The following CCBE1 variants were observed in gnomAD, a reference collection of about 807,000 sequenced individuals.
CCBE1 encodes the protein collagen and calcium binding EGF domains 1.
CCBE1 carries 37 observed loss-of-function variants against 50.0 expected under a neutral mutation model. The ratio of observed to expected loss-of-function variants is 0.74; its 90% CI spans 0.57 to 0.97. The LOEUF is 0.97. Ranked by LOEUF, CCBE1 falls within the 50% of genes least tolerant of loss-of-function variation. The probability of loss-of-function intolerance (pLI) is 0.00; values close to 1 mark genes in which losing one functional copy is unlikely to be tolerated. For synonymous variants in CCBE1, 234 were observed against 203.7 expected, an observed-to-expected ratio of 1.15 and a Z score of -1.27; for missense variants, 538 against 523.8, an observed-to-expected ratio of 1.03 and a Z score of -0.26.
chr18:59,680,707 A>G (rs1048023804), intron 2 of CCBE1, among the ~76,000 whole-genome samples: 1 of 152,058 alleles, frequency 6.6e-6, no homozygotes, highest in South Asian at 2.1e-4. Flanking sequence ...TCAAAAAAAA[A>G]AGAAAAAACA....
At chr18:59,530,530 C>A (rs1915006379) in intron 2 of CCBE1, among the ~76,000 whole-genome samples, 1 of 151,852 alleles carries the variant, frequency 6.6e-6, no homozygotes. Flanking sequence ...TTCCATGGCA[C>A]CTACAGGACA....
intron 2 of CCBE1, among the ~76,000 whole-genome samples, chr18:59,672,747 T>C (rs1342737689): frequency 1.3e-5 from 2 of 152,150 alleles, no homozygotes; most frequent in Non-Finnish European, 2.9e-5. Flanking sequence ...GTTGCGGTGG[T>C]TTGTTATGCT....
At chr18:59,487,460 C>T (rs1460960326) in intron 2 of CCBE1, among the ~76,000 whole-genome samples, 2 of 148,808 alleles carry the variant, frequency 1.3e-5, no homozygotes, top group African/African-American at 2.4e-5. Flanking sequence ...ATTCCTTTTA[C>T]ACTACATCCC....
chr18:59,450,721 G>C (rs1356761267), intron 6 of CCBE1, among the ~76,000 whole-genome samples: 1 of 152,230 alleles, frequency 6.6e-6, no homozygotes, highest in African/African-American at 2.4e-5. Context: ...TTTTAGTAGA[G>C]ATGGGGTTTC....
intron 5 of CCBE1, chr18:59,465,778 T>G (rs2143717412): frequency 6.6e-6 from 1 of 152,322 alleles, no homozygotes; most frequent in East Asian, 1.9e-4. Flanking sequence ...AGATGTTTCA[T>G]ATTTATATTT....
At chr18:59,603,665 T>C (rs900427705) in intron 2 of CCBE1, among the ~76,000 whole-genome samples, 1 of 152,220 alleles carries the variant, frequency 6.6e-6, no homozygotes, top group Non-Finnish European at 1.5e-5. Flanking sequence ...TACTACAAAG[T>C]TGTTGCTCTT....
intron 2 of CCBE1, among the ~76,000 whole-genome samples, chr18:59,582,141 C>T (rs1416492400): frequency 6.6e-6 from 1 of 152,192 alleles, no homozygotes; most frequent in Admixed American, 6.5e-5. Flanking sequence ...CCGGAAAGCT[C>T]TCTTCCTTCG....
At chr18:59,484,725 C>A (rs1912731916) in intron 2 of CCBE1, among the ~76,000 whole-genome samples, 1 of 152,120 alleles carries the variant, frequency 6.6e-6, no homozygotes, top group Non-Finnish European at 1.5e-5. Context: ...CATAACTGAC[C>A]CCAGCTGTCT....
chr18:59,461,341 C>T (rs1455351749), intron 5 of CCBE1, among the ~76,000 whole-genome samples: 3 of 151,778 alleles, frequency 2.0e-5, no homozygotes, highest in African/African-American at 4.8e-5. Flanking sequence ...AAAGCCAGCC[C>T]CCACCTTCCC....
intron 2 of CCBE1, among the ~76,000 whole-genome samples, chr18:59,513,447 G>T (rs1914225426): frequency 6.6e-6 from 1 of 152,210 alleles, no homozygotes; most frequent in Non-Finnish European, 1.5e-5. Flanking sequence ...TCCAGGAAAG[G>T]ACGCTTTTCA....
chr18:59,604,508 GTC>G (rs1162252383), intron 2 of CCBE1, among the ~76,000 whole-genome samples: 1 of 152,184 alleles, frequency 6.6e-6, no homozygotes, highest in African/African-American at 2.4e-5. Context: ...ATATAATAAA[GTC>G]AAATTACTAC....
At position 59,667,414 on chromosome 18, in the gene CCBE1, G is replaced by A. The variant is rs184293182; in HGVS notation, c.212+29215C>T. On this transcript the variant is annotated intron_variant, in intron 2 of 10. Coordinates refer to ENST00000439986, the MANE Select transcript of CCBE1 (RefSeq NM_133459.4). ...TTGTGATGGAGCTGTTTACAAAGGT[G>A]TGCACAGGGGTAAGAATGCCAACCC... Among the ~76,000 whole-genome samples the A allele has an allele frequency of 7.9e-4, 120 of 152,352 alleles. 1 individual carries two copies. The highest frequency in any genetic ancestry group is 4.5e-3 in the Admixed American group (69 of 15,310).
At chr18:59,652,072 C>G (rs1224979777) in intron 2 of CCBE1, among the ~76,000 whole-genome samples, 2 of 152,134 alleles carry the variant, frequency 1.3e-5, no homozygotes, top group African/African-American at 4.8e-5. Flanking sequence ...ATCATCTGTT[C>G]AAATTTTTGT....
chr18:59,622,070 A>T (rs2053717769), intron 2 of CCBE1, among the ~76,000 whole-genome samples: 1 of 152,174 alleles, frequency 6.6e-6, no homozygotes, highest in African/African-American at 2.4e-5. Context: ...GAATAATTCA[A>T]AGTCCACCTT....
At chr18:59,694,337 A>G (rs2054777250) in intron 2 of CCBE1, among the ~76,000 whole-genome samples, 1 of 152,216 alleles carries the variant, frequency 6.6e-6, no homozygotes, top group African/African-American at 2.4e-5. Context: ...TTACAGCTCA[A>G]TTCAAAGTAA....
chr18:59,582,448 G>A (rs867263037), intron 2 of CCBE1, among the ~76,000 whole-genome samples: 13 of 152,300 alleles, frequency 8.5e-5, no homozygotes, highest in Non-Finnish European at 1.6e-4. Context: ...TGCCAAGTAC[G>A]TGACAAGAAA....
intron 2 of CCBE1, among the ~76,000 whole-genome samples, chr18:59,647,042 G>A (rs894716033): frequency 6.6e-5 from 10 of 152,224 alleles, no homozygotes; most frequent in Non-Finnish European, 1.2e-4. Context: ...AATCTGCTGA[G>A]TTGATGTTAT....
rs540335985 is a variant in CCBE1 at position 59,576,632 on chromosome 18, C to T, written c.213-96394G>A. On this transcript the variant is annotated intron_variant, in intron 2 of 10. Coordinates refer to ENST00000439986, the MANE Select transcript of CCBE1 (RefSeq NM_133459.4). The stretch of plus-strand genomic sequence containing the variant: ...AATTAAATTGCTTTTGCTGCCTCCC[C>T]TACAACAATGAGCTGTGAGTGAGGC... Among the ~76,000 whole-genome samples the T allele has an allele frequency of 1.8e-4, 28 of 152,286 alleles. 1 individual carries two copies. The highest frequency in any genetic ancestry group is 2.8e-4 in the Non-Finnish European group (19 of 68,024).
Position 59,435,640 on chromosome 18 carries a change from TA to T in CCBE1, c.*267del, listed in dbSNP as rs561328038. Reference sequence around the variant, plus strand: ...CCAAAGTTCCTGGAAAAATAGGATGTAAAAGAAAAGTTACAATGCAAACCAC... The same window carrying T: ...CCAAAGTTCCTGGAAAAATAGGATGTAAAGAAAAGTTACAATGCAAACCAC... On this transcript the variant is annotated 3_prime_UTR_variant, in exon 11 of 11. Transcript: ENST00000439986. The T allele has an allele frequency of 1.2e-4, 61 of 505,750 alleles. No homozygotes were observed. In the East Asian group the frequency reaches 2.0e-3, roughly 16 times the overall value. 31.3% of individuals were successfully genotyped at this position (505,750 alleles called of 1,614,324 possible).
Sources: gnomAD v4.1 joint callset for allele counts (sites outside exome capture counted in the v4.1 genomes callset) on GRCh38, gnomAD v4.1.1 for gene constraint, MANE v1.5 for transcripts, NCBI Gene and HGNC (gene_info 2026-07-23, HGNC 2026-07-21) for gene names.